Variants in DTNBP1 observed in about 807,000 individuals in gnomAD.
The protein encoded by DTNBP1 is dysbindin.
In DTNBP1, 35 loss-of-function variants were observed where a neutral mutation model predicts 42.8. The ratio of observed to expected loss-of-function variants is 0.82; its 90% CI spans 0.63 to 1.09. The LOEUF is 1.09. Among genes scored for constraint, DTNBP1 ranks in the 50% least tolerant of loss-of-function variants. DTNBP1 has a pLI of 0.00. For synonymous variants in DTNBP1, 171 were observed against 162.2 expected, an observed-to-expected ratio of 1.05 and a Z score of -0.41; for missense variants, 457 against 424.2, an observed-to-expected ratio of 1.08 and a Z score of -0.68.
At chr6:15,629,010 G>A (rs1209539760) in intron 4 of DTNBP1, among the ~76,000 whole-genome samples, 6 of 152,044 alleles carry the variant, frequency 3.9e-5, no homozygotes, top group African/African-American at 1.2e-4. Flanking sequence ...CACGCAAACC[G>A]CATTTCTCAT....
At chr6:15,585,838 C>T in intron 7 of DTNBP1, 1 of 1,492,074 alleles carries the variant, frequency 6.7e-7, no homozygotes, top group Non-Finnish European at 8.9e-7. Flanking sequence ...CAGCTGCCCT[C>T]ACGTGCATCT....
chr6:15,547,866 G>A (rs913772182), intron 7 of DTNBP1, among the ~76,000 whole-genome samples: 1 of 152,146 alleles, frequency 6.6e-6, no homozygotes, highest in Non-Finnish European at 1.5e-5. Context: ...ACATACAGAA[G>A]TTTTCAAGCC....
chr6:15,645,601 G>A (rs1316117623), intron 3 of DTNBP1, among the ~76,000 whole-genome samples: 1 of 151,984 alleles, frequency 6.6e-6, no homozygotes, highest in Non-Finnish European at 1.5e-5. Flanking sequence ...TGATCAAGTG[G>A]GTTTAACCCT....
At chr6:15,557,761 T>C (rs1774611385) in intron 7 of DTNBP1, among the ~76,000 whole-genome samples, 1 of 152,202 alleles carries the variant, frequency 6.6e-6, no homozygotes, top group African/African-American at 2.4e-5. Flanking sequence ...GTAAAGGTTT[T>C]TGTCTTTTTA....
intron 7 of DTNBP1, among the ~76,000 whole-genome samples, chr6:15,576,769 T>C (rs1341127908): frequency 1.0e-5 from 1 of 99,104 alleles, no homozygotes; most frequent in South Asian, 3.4e-4. Context: ...ACTCTGTCTC[T>C]AAAAAAAAAA....
At chr6:15,548,583 TC>T (rs1774028686) in intron 7 of DTNBP1, among the ~76,000 whole-genome samples, 1 of 152,156 alleles carries the variant, frequency 6.6e-6, no homozygotes, top group South Asian at 2.1e-4. Context: ...TCCCCTTGTT[TC>T]CAACATTTTG....
intron 7 of DTNBP1, among the ~76,000 whole-genome samples, chr6:15,534,259 T>C (rs1348544930): frequency 6.6e-6 from 1 of 152,214 alleles, no homozygotes; most frequent in Non-Finnish European, 1.5e-5. Flanking sequence ...TAGTGATGGA[T>C]GCACAGCATG....
chr6:15,533,123 C>T (rs1772979567), intron 8 of DTNBP1, 117 bp downstream of exon 8: 1 of 1,516,676 alleles, frequency 6.6e-7, no homozygotes, highest in African/African-American at 1.4e-5. Context: ...GCTGGGGTCT[C>T]ATAACAGAAC....
intron 7 of DTNBP1, among the ~76,000 whole-genome samples, chr6:15,542,116 A>C (rs1222804354): frequency 6.6e-6 from 1 of 152,228 alleles, no homozygotes; most frequent in African/African-American, 2.4e-5. Context: ...TTCAATATTT[A>C]CAATTCAGGT....
chr6:15,559,991 T>TGTG (rs1238877417), intron 7 of DTNBP1, among the ~76,000 whole-genome samples: 1 of 152,192 alleles, frequency 6.6e-6, no homozygotes, highest in South Asian at 2.1e-4. Flanking sequence ...CTGTGTTGAT[T>TGTG]GTAACGGTTA....
intron 7 of DTNBP1, among the ~76,000 whole-genome samples, chr6:15,557,085 A>T (rs1561957360): frequency 6.6e-6 from 1 of 152,140 alleles, no homozygotes; most frequent in East Asian, 1.9e-4. Context: ...TAGGCTTCAC[A>T]CCTGGTACCT....
intron 5 of DTNBP1, among the ~76,000 whole-genome samples, chr6:15,617,277 G>C (rs1758768918): frequency 6.6e-6 from 1 of 151,932 alleles, no homozygotes; most frequent in Non-Finnish European, 1.5e-5. Flanking sequence ...AGAATATTGT[G>C]AAAATGATCA....
At chr6:15,566,053 G>A (rs957083998) in intron 7 of DTNBP1, among the ~76,000 whole-genome samples, 2 of 152,126 alleles carry the variant, frequency 1.3e-5, no homozygotes, top group African/African-American at 4.8e-5. Context: ...AATTCTTCAC[G>A]CCTGTAATCC....
intron 7 of DTNBP1, among the ~76,000 whole-genome samples, chr6:15,555,395 G>A (rs991988414): frequency 1.3e-5 from 2 of 151,958 alleles, no homozygotes; most frequent in African/African-American, 2.4e-5. Flanking sequence ...GGATGGTTAG[G>A]CATTCTTAGT....
chr6:15,660,748 C>G (rs1761558769), intron 1 of DTNBP1, among the ~76,000 whole-genome samples: 1 of 152,164 alleles, frequency 6.6e-6, no homozygotes, highest in South Asian at 2.1e-4. Context: ...CCAGAATCTA[C>G]ATTCCGGGGT....
At chr6:15,585,696 A>G (rs1481882014) in intron 7 of DTNBP1, 1 of 1,534,592 alleles carries the variant, frequency 6.5e-7, no homozygotes, top group Non-Finnish European at 8.7e-7. Context: ...CAAAGGAAAA[A>G]CAGAAAATAA....
intron 3 of DTNBP1, among the ~76,000 whole-genome samples, chr6:15,638,265 TTAC>T (rs1281372573): frequency 2.0e-5 from 3 of 152,030 alleles, no homozygotes; most frequent in African/African-American, 7.2e-5. Context: ...GTAGCTGGGA[TTAC>T]AGGTGTGTGC....
chr6:15,530,348 G>C (rs988847031), intron 8 of DTNBP1, among the ~76,000 whole-genome samples: 19 of 152,126 alleles, frequency 1.2e-4, no homozygotes, highest in Admixed American at 6.6e-4. Flanking sequence ...AAAAAGCCCA[G>C]GGCCGCCAAT....
intron 7 of DTNBP1, among the ~76,000 whole-genome samples, chr6:15,576,365 C>T (rs1179095708): frequency 4.6e-5 from 7 of 152,064 alleles, no homozygotes; most frequent in South Asian, 2.1e-4. Flanking sequence ...TCAGGTGATC[C>T]GCCCGCTGTG....
Sources: gnomAD v4.1 joint callset for allele counts (sites outside exome capture counted in the v4.1 genomes callset) on GRCh38, gnomAD v4.1.1 for gene constraint, MANE v1.5 for transcripts, NCBI Gene and HGNC (gene_info 2026-07-23, HGNC 2026-07-21) for gene names.